The following CFAP54 variants were observed in gnomAD, a reference collection of about 807,000 sequenced individuals.
CFAP54 encodes cilia- and flagella-associated protein 54.
In CFAP54, 290 loss-of-function variants were observed where a neutral mutation model predicts 370.4. The observed-to-expected ratio is 0.78, with a 90% CI of 0.71 to 0.86. CFAP54 has a LOEUF of 0.86. Ranked by LOEUF, CFAP54 falls within the 40% of genes least tolerant of loss-of-function variation. The probability of loss-of-function intolerance (pLI) is 0.00; values close to 1 mark genes in which losing one functional copy is unlikely to be tolerated. For missense variants in CFAP54, 3,399 were observed against 3,528.7 expected, an observed-to-expected ratio of 0.96 and a Z score of 0.93; for synonymous variants, 1,206 against 1,236.5, an observed-to-expected ratio of 0.98 and a Z score of 0.52.
chr12:96,761,302 T>C (rs1398469957), intron 58 of CFAP54, among the ~76,000 whole-genome samples: 1 of 152,228 alleles, frequency 6.6e-6, no homozygotes, highest in African/African-American at 2.4e-5. Flanking sequence ...TGCCCATTTT[T>C]ATTGGGTCAT....
At chr12:96,575,232 T>A (rs1344720319) in intron 19 of CFAP54, among the ~76,000 whole-genome samples, 1 of 152,138 alleles carries the variant, frequency 6.6e-6, no homozygotes, top group Non-Finnish European at 1.5e-5. Flanking sequence ...CTTTTTATTA[T>A]TGAGTTATAA....
intron 34 of CFAP54, 145 bp downstream of exon 34, chr12:96,648,162 T>G (rs528228251): frequency 2.2e-5 from 12 of 533,434 alleles, no homozygotes; most frequent in Non-Finnish European, 3.5e-5. Context: ...TTTGATATTT[T>G]GTAGGAGATT....
chr12:96,872,595 T>C (rs988388274), intron 67 of CFAP54, among the ~76,000 whole-genome samples: 2 of 152,248 alleles, frequency 1.3e-5, no homozygotes, highest in African/African-American at 4.8e-5. Context: ...TTCATTAAGA[T>C]GACATAGTTC....
chr12:96,746,665 A>G (rs776411534), intron 55 of CFAP54, among the ~76,000 whole-genome samples: 3 of 152,096 alleles, frequency 2.0e-5, no homozygotes, highest in Non-Finnish European at 2.9e-5. Context: ...GCTTCTTATG[A>G]TGTGGTCCAA....
chr12:96,714,558 A>C (rs572005361), intron 48 of CFAP54, among the ~76,000 whole-genome samples: 3 of 152,184 alleles, frequency 2.0e-5, no homozygotes, highest in Non-Finnish European at 4.4e-5. Context: ...CTGAGAAAGG[A>C]TGAGTGAACA....
intron 32 of CFAP54, among the ~76,000 whole-genome samples, chr12:96,640,495 A>T (rs1956713275): frequency 6.6e-6 from 1 of 152,238 alleles, no homozygotes. Context: ...AAATGGCCAT[A>T]CTGCCCAAGG....
intron 39 of CFAP54, among the ~76,000 whole-genome samples, chr12:96,670,631 T>C (rs1022847845): frequency 1.3e-5 from 2 of 152,208 alleles, no homozygotes; most frequent in African/African-American, 4.8e-5. Flanking sequence ...AGAGCAGGAC[T>C]TGAAAGAGAT....
At chr12:96,553,537 TATATA>T in intron 15 of CFAP54, among the ~76,000 whole-genome samples, 1 of 140,382 alleles carries the variant, frequency 7.1e-6, no homozygotes, top group Non-Finnish European at 1.5e-5. Context: ...GTTATATATA[TATATA>T]GTAATATATG....
intron 47 of CFAP54, among the ~76,000 whole-genome samples, chr12:96,706,203 A>G (rs545126036): frequency 1.3e-5 from 2 of 152,232 alleles, no homozygotes; most frequent in East Asian, 3.9e-4. Flanking sequence ...ATAAGTAAAT[A>G]TATTATAAAT....
chr12:96,869,806 A>G (rs555075716), intron 67 of CFAP54, among the ~76,000 whole-genome samples: 1 of 151,662 alleles, frequency 6.6e-6, no homozygotes, highest in African/African-American at 2.4e-5. Flanking sequence ...GTGGTGGTGC[A>G]TGCCTGTAAT....
At chr12:96,771,414 A>T (rs1592752486) in intron 60 of CFAP54, among the ~76,000 whole-genome samples, 1 of 152,206 alleles carries the variant, frequency 6.6e-6, no homozygotes, top group Non-Finnish European at 1.5e-5. Context: ...GCACTTTGGG[A>T]GGCCAAGGCG....
intron 58 of CFAP54, among the ~76,000 whole-genome samples, 182 bp from the exon 59 acceptor site, chr12:96,763,969 C>A (rs574719469): frequency 6.6e-6 from 1 of 152,212 alleles, no homozygotes; most frequent in South Asian, 2.1e-4. Flanking sequence ...AAGGATTGTA[C>A]TTTTCATACA....
rs990692947 is a variant in CFAP54 at position 96,500,854 on chromosome 12, T to A, written c.338T>A (p.Ile113Asn). 52 of 1,534,142 alleles carry A rather than the reference T, an allele frequency of 3.4e-5. No homozygotes were observed. The highest frequency in any genetic ancestry group is 4.1e-5 in the Non-Finnish European group (47 of 1,145,900). ...TACAGTGCCACTTCTTTGTTTAATA[T>A]CTGGACTAAATACGCCCCCAGGCTG... ...RRRCATSLFN[I>N]WTKYAPRLPA... Residue 113 changes from isoleucine to asparagine, a missense_variant, in exon 2 of 68, where the codon ATC (isoleucine) becomes AAC (asparagine). By Grantham distance (149) the Ile-to-Asn change is moderately radical. This residue lies in a region of CFAP54 where 559 missense variants were observed against 576.7 expected (regional missense o/e 0.97). Transcript: ENST00000524981.
At chr12:96,869,707 G>A (rs945285118) in intron 67 of CFAP54, among the ~76,000 whole-genome samples, 3 of 151,780 alleles carry the variant, frequency 2.0e-5, no homozygotes, top group African/African-American at 4.8e-5. Context: ...AGGCTGAGGC[G>A]GGTGGATCAC....
At chr12:96,671,782 C>T (rs530675129) in intron 39 of CFAP54, among the ~76,000 whole-genome samples, 3 of 152,126 alleles carry the variant, frequency 2.0e-5, no homozygotes, top group South Asian at 2.1e-4. Context: ...CTTAGCTGGG[C>T]GTGGTGGCAG....
chr12:96,639,583 G>A (rs770589568), intron 32 of CFAP54, among the ~76,000 whole-genome samples: 6 of 152,146 alleles, frequency 3.9e-5, no homozygotes, highest in African/African-American at 1.4e-4. Flanking sequence ...ATTTTATGAG[G>A]CCAGCATCAT....
rs1331790823 is a variant in CFAP54, at chr12:96,840,612, T to TTC, written c.9171+11528_9171+11529dup. ...TTGAGAGCTACAGACTTTCTTTCTT[T>TTC]TCTCTGTTTCTTTCTTTTTTTTTTT... On this transcript the variant is annotated intron_variant, in intron 66 of 67. Coordinates refer to ENST00000524981, the MANE Select transcript of CFAP54 (RefSeq NM_001306084.2). Among the ~76,000 whole-genome samples the TTC allele has an allele frequency of 1.6e-5, 2 of 123,472 alleles. 1 individual carries two copies. The highest frequency in any genetic ancestry group is 3.3e-5 in the Non-Finnish European group (2 of 60,274). The allele number at this position is 123,472 out of a possible 152,430, so 81.0% of individuals were successfully genotyped here.
intron 32 of CFAP54, among the ~76,000 whole-genome samples, chr12:96,641,535 C>G (rs1433288325): frequency 6.6e-6 from 1 of 152,004 alleles, no homozygotes; most frequent in East Asian, 1.9e-4. Context: ...CCTCAGGGAT[C>G]TAGAACTAGA....
At chr12:96,710,519 G>A (rs1957598654) in intron 48 of CFAP54, among the ~76,000 whole-genome samples, 1 of 152,116 alleles carries the variant, frequency 6.6e-6, no homozygotes, top group Non-Finnish European at 1.5e-5. Context: ...CCTGGGGTAA[G>A]AGCCTAATAA....
Sources: allele counts gnomAD v4.1 joint callset (sites outside exome capture counted in the v4.1 genomes callset), GRCh38; gene constraint gnomAD v4.1.1; regional missense constraint gnomAD v4.1.1; transcripts MANE v1.5; gene names NCBI Gene and HGNC (gene_info 2026-07-23, HGNC 2026-07-21).